Variants in SLC26A7 observed in about 807,000 individuals in gnomAD.
The protein encoded by SLC26A7 is solute carrier family 26 member 7, also known as anion exchange transporter.
SLC26A7 carries 59 observed loss-of-function variants against 82.5 expected under a neutral mutation model. The ratio of observed to expected loss-of-function variants is 0.72; its 90% CI spans 0.58 to 0.89. The LOEUF is 0.89. SLC26A7 is among the 40% of genes least tolerant of loss of function. The probability of loss-of-function intolerance (pLI) is 0.00; values close to 1 mark genes in which losing one functional copy is unlikely to be tolerated. For synonymous variants in SLC26A7, 271 were observed against 274.3 expected, an observed-to-expected ratio of 0.99 and a Z score of 0.12; for missense variants, 820 against 793.0, an observed-to-expected ratio of 1.03 and a Z score of -0.41.
intron 9 of SLC26A7, among the ~76,000 whole-genome samples, chr8:91,346,242 A>G (rs187544368): frequency 3.9e-5 from 6 of 152,224 alleles, no homozygotes; most frequent in Non-Finnish European, 1.5e-5. Context: ...AAAGAATCTA[A>G]TTTAATGTGC....
chr8:91,238,701 G>A (rs1810425617), intron 2 of SLC26A7, among the ~76,000 whole-genome samples: 1 of 151,866 alleles, frequency 6.6e-6, no homozygotes, highest in Non-Finnish European at 1.5e-5. Flanking sequence ...TCCCGGTTAT[G>A]TTAAGTATCT....
intron 5 of SLC26A7, among the ~76,000 whole-genome samples, chr8:91,320,333 G>T (rs1812757303): frequency 6.6e-6 from 1 of 152,138 alleles, no homozygotes; most frequent in African/African-American, 2.4e-5. Context: ...AATGTTTTTG[G>T]ACTGCTGGCT....
At position 91,289,119 on chromosome 8, in the gene SLC26A7, C is replaced by A; in HGVS notation, c.194-17C>A. Reference sequence around the variant, plus strand: ...GGGGTTATAAGGTGGTTTTAATTACCCTAGTCTTCTTCACAGGATTGGCCT... The same window carrying A: ...GGGGTTATAAGGTGGTTTTAATTACACTAGTCTTCTTCACAGGATTGGCCT... On this transcript the variant is annotated splice_polypyrimidine_tract_variant and intron_variant, in intron 2 of 18. Transcript: ENST00000276609. The A allele has an allele frequency of 6.3e-7, 1 of 1,579,146 alleles. No individual in the cohort carries two copies. Among genetic ancestry groups the A allele is most frequent in the South Asian group, 1.1e-5 (1 of 90,236 alleles).
intron 2 of SLC26A7, among the ~76,000 whole-genome samples, chr8:91,227,480 G>C (rs1477001154): frequency 6.6e-6 from 1 of 152,136 alleles, no homozygotes; most frequent in Non-Finnish European, 1.5e-5. Context: ...GTTATTAAGA[G>C]TAATTCAAAT....
chr8:91,316,678 C>G (rs999589898), intron 4 of SLC26A7, among the ~76,000 whole-genome samples: 5 of 151,362 alleles, frequency 3.3e-5, no homozygotes, highest in African/African-American at 9.7e-5. Flanking sequence ...TCAGCATGAC[C>G]TCTTTTGTTT....
chr8:91,215,530 A>C (rs1349448925), intron 1 of SLC26A7, among the ~76,000 whole-genome samples: 1 of 152,196 alleles, frequency 6.6e-6, no homozygotes, highest in East Asian at 1.9e-4. Context: ...ACACGTAGAG[A>C]ATATAATCAT....
At chr8:91,294,223 G>A (rs896121165) in intron 3 of SLC26A7, among the ~76,000 whole-genome samples, 14 of 152,140 alleles carry the variant, frequency 9.2e-5, no homozygotes, top group African/African-American at 3.4e-4. Flanking sequence ...CCATTTATCA[G>A]GTGTTAACTA....
chr8:91,358,866 G>A (rs919297819), intron 11 of SLC26A7, among the ~76,000 whole-genome samples: 1 of 152,118 alleles, frequency 6.6e-6, no homozygotes, highest in African/African-American at 2.4e-5. Flanking sequence ...TCACTCATAG[G>A]TGGGAATTGA....
intron 2 of SLC26A7, among the ~76,000 whole-genome samples, chr8:91,279,123 G>GTATA (rs1223990677): frequency 3.2e-4 from 25 of 78,784 alleles, no homozygotes; most frequent in African/African-American, 1.3e-3. Context: ...GTGTGTGTGT[G>GTATA]TGTATATATA....
At chr8:91,388,183 T>C (rs955759407) in intron 15 of SLC26A7, among the ~76,000 whole-genome samples, 1 of 152,178 alleles carries the variant, frequency 6.6e-6, no homozygotes, top group African/African-American at 2.4e-5. Flanking sequence ...CAGACTGGAG[T>C]GCAGTGGCAC....
At position 91,393,797 on chromosome 8, in the gene SLC26A7, G is replaced by C. The variant is rs1808473388; in HGVS notation, c.1777G>C (p.Val593Leu). Residue 593 changes from valine to leucine, a missense_variant and splice_region_variant, in exon 17 of 19, where the codon GTT becomes CTT. By Grantham distance (32) the Val-to-Leu change is conservative. Transcript: ENST00000276609. ...GGGTATCCTATTTTAATTCTTCCAG[G>C]TTTACATGGACTGTAAAGGCAGGAG... The part of the protein sequence containing the change: ...DYSGVSMLVE[V>L]YMDCKGRSVD... 2 of 1,613,182 alleles carry C rather than the reference G, an allele frequency of 1.2e-6. No homozygotes were observed. Among genetic ancestry groups the C allele is most frequent in the Non-Finnish European group, 8.5e-7 (1 of 1,179,408 alleles).
chr8:91,254,895 T>C (rs1478648482), intron 2 of SLC26A7, among the ~76,000 whole-genome samples: 5 of 152,174 alleles, frequency 3.3e-5, no homozygotes. Flanking sequence ...CTGTCAAATA[T>C]GTTTTATAGA....
rs74443129 is a variant in SLC26A7 at position 91,239,888 on chromosome 8, G to A, written c.-33-9731G>A. Among the ~76,000 whole-genome samples the A allele has an allele frequency of 9.9e-4, 151 of 152,194 alleles. 1 individual carries two copies. The highest frequency in any genetic ancestry group is 3.5e-3 in the African/African-American group (144 of 41,500). On this transcript the variant is annotated intron_variant, in intron 2 of 5. Transcript: ENST00000522862. Reference sequence around the variant, plus strand: ...AATGGTGGGAAGTAAGACATACATGGTATTATTCCTTTACGTTTTTAATGT... The same window carrying A: ...AATGGTGGGAAGTAAGACATACATGATATTATTCCTTTACGTTTTTAATGT...
intron 5 of SLC26A7, among the ~76,000 whole-genome samples, chr8:91,328,468 C>T (rs949863152): frequency 1.3e-5 from 2 of 152,082 alleles, no homozygotes; most frequent in African/African-American, 4.8e-5. Flanking sequence ...AACTTGATAA[C>T]TGCAAATCCC....
At chr8:91,227,317 C>T (rs1586305379) in intron 2 of SLC26A7, among the ~76,000 whole-genome samples, 1 of 152,096 alleles carries the variant, frequency 6.6e-6, no homozygotes, top group African/African-American at 2.4e-5. Flanking sequence ...TTTTGTTTTT[C>T]ACTCACATTT....
At chr8:91,307,744 A>G (rs1029876429) in intron 4 of SLC26A7, among the ~76,000 whole-genome samples, 3 of 147,920 alleles carry the variant, frequency 2.0e-5, no homozygotes, top group Admixed American at 6.7e-5. Flanking sequence ...GCACATGTAT[A>G]CATATGTAAC....
chr8:91,350,777 C>T (rs948282087), intron 9 of SLC26A7, among the ~76,000 whole-genome samples: 10 of 152,198 alleles, frequency 6.6e-5, no homozygotes, highest in African/African-American at 1.9e-4. Context: ...AAAGGTTCTA[C>T]AAATATATAT....
intron 11 of SLC26A7, 37 bp downstream of exon 11, chr8:91,353,033 G>C: frequency 1.4e-6 from 2 of 1,443,854 alleles, no homozygotes; most frequent in Non-Finnish European, 1.9e-6. Context: ...TCCCTTTTTA[G>C]CTTAAGCTTA....
intron 2 of SLC26A7, among the ~76,000 whole-genome samples, chr8:91,277,456 A>G (rs1232529121): frequency 6.6e-6 from 1 of 152,332 alleles, no homozygotes; most frequent in East Asian, 1.9e-4. Flanking sequence ...ATATTTTAAC[A>G]TAAATTGAGA....
Sources: gnomAD v4.1 joint callset for allele counts (sites outside exome capture counted in the v4.1 genomes callset) on GRCh38, gnomAD v4.1.1 for gene constraint, MANE v1.5 for transcripts, NCBI Gene and HGNC (gene_info 2026-07-23, HGNC 2026-07-21) for gene names.